Variants in CUL9 observed in about 807,000 individuals in gnomAD.
CUL9 encodes cullin-9.
Under a neutral mutation model 272.6 loss-of-function variants are expected in CUL9, and 79 were observed. The observed-to-expected ratio is 0.29, with a 90% CI of 0.24 to 0.35. CUL9 has a LOEUF of 0.35. Ranked by LOEUF, CUL9 falls within the 10% of genes least tolerant of loss-of-function variation. The pLI, the probability that CUL9 is intolerant of heterozygous loss-of-function variation, is 1.00. For synonymous variants in CUL9, 1,186 were observed against 1,286.5 expected, an observed-to-expected ratio of 0.92 and a Z score of 1.67; for missense variants, 2,532 against 3,255.6, an observed-to-expected ratio of 0.78 and a Z score of 5.41.
chr6:43,197,729 G>A (rs572389612), intron 11 of CUL9, among the ~76,000 whole-genome samples: 7 of 152,194 alleles, frequency 4.6e-5, no homozygotes, highest in East Asian at 1.9e-4. Flanking sequence ...TGATCTGACC[G>A]CCTTGGCCTC....
intron 26 of CUL9, among the ~76,000 whole-genome samples, chr6:43,208,346 C>A (rs1562047872): frequency 6.6e-6 from 1 of 152,170 alleles, no homozygotes; most frequent in Non-Finnish European, 1.5e-5. Flanking sequence ...GCTGGGATTA[C>A]AGGTGTGCAC....
At chr6:43,205,530 T>C (rs1393302983) in intron 24 of CUL9, 107 bp downstream of exon 24, 3 of 1,331,068 alleles carry the variant, frequency 2.3e-6, no homozygotes, top group East Asian at 2.3e-5. Context: ...AGAGGAGAGA[T>C]TAAGATGTGG....
In CUL9 at chr6:43,221,128, CTG is replaced by C; in HGVS notation, c.6589-26_6589-25del. On this transcript the variant is annotated intron_variant, in intron 33 of 40. Transcript: ENST00000252050. This position sits in a 1 kb window ranked among gnomAD's most constrained non-coding sequence, Gnocchi z 4.2. ...CAGCCATGCTGCCCTCACGGCTCAG[CTG>C]TGTCCCCACCATGCCCTCTTGCCTT... 1 of 1,606,674 alleles carries C rather than the reference CTG, an allele frequency of 6.2e-7. No individual in the cohort carries two copies.
intron 8 of CUL9, among the ~76,000 whole-genome samples, chr6:43,191,862 G>A (rs1773546648): frequency 6.6e-6 from 1 of 151,346 alleles, no homozygotes; most frequent in African/African-American, 2.4e-5. Context: ...TGGGATTACA[G>A]GTGTGTGTCA....
In CUL9 at chr6:43,204,982, G is replaced by T; in HGVS notation, c.4499G>T (p.Arg1500Leu). The change falls in exon 23 of 41, where the codon CGT becomes CTT. Residue 1500 changes from arginine (R) to leucine (L), a missense_variant. By Grantham distance (102) the Arg-to-Leu change is moderately radical. This residue lies in a region of CUL9 where 2,218 missense variants were observed against 2,788.6 expected (regional missense o/e 0.80). Transcript: ENST00000252050. ...TGGAGGGCCCCAGACTTTGTGCCTCGTTACTGTAAACTCTATGAGCACTTG... is the reference window on the plus strand; with the variant it reads ...TGGAGGGCCCCAGACTTTGTGCCTCTTTACTGTAAACTCTATGAGCACTTG... ...AAWRAPDFVP[R>L]YCKLYEHLQR... 6.2e-7 allele frequency: 1 copy of T among 1,612,430 alleles called. No homozygotes were observed. The highest frequency in any genetic ancestry group is 8.5e-7 in the Non-Finnish European group (1 of 1,178,940).
At chr6:43,189,917 A>G (rs1011077384) in intron 8 of CUL9, among the ~76,000 whole-genome samples, 3 of 152,210 alleles carry the variant, frequency 2.0e-5, no homozygotes, top group African/African-American at 4.8e-5. Flanking sequence ...TCAGTCTACT[A>G]TATCCTACAG....
chr6:43,207,901 G>A (rs1319916324), intron 26 of CUL9, among the ~76,000 whole-genome samples: 1 of 152,182 alleles, frequency 6.6e-6, no homozygotes, highest in African/African-American at 2.4e-5. Context: ...CACATCTTCT[G>A]TAAAGTTACT....
rs576493619 is a variant in CUL9, at chr6:43,214,738, T to C, written c.5689-341T>C. ...ATCACTTGAACCCAGGAGGCAGAGA[T>C]TGCAGTGAGAGATGGTGCCACTGCA... On this transcript the variant is annotated intron_variant, in intron 29 of 40. Coordinates refer to ENST00000252050, the MANE Select transcript of CUL9 (RefSeq NM_015089.4). 2.6e-5 allele frequency among the ~76,000 whole-genome samples: 4 copies of C among 151,814 alleles called. No individual in the cohort carries two copies. In the East Asian group the frequency reaches 7.8e-4, roughly 30 times the overall value.
Position 43,186,334 on chromosome 6 carries a change from A to G in CUL9, c.1130A>G (p.Glu377Gly), listed in dbSNP as rs1174320617. 1 of 1,614,192 alleles carries G rather than the reference A, an allele frequency of 6.2e-7. No individual in the cohort carries two copies. The highest frequency in any genetic ancestry group is 1.1e-5 in the South Asian group (1 of 91,088). ...TTCTCCAGCCGTAGTGGCTATGGAG[A>G]ATATGTGCAGCAGACACTGCAGCCA... ...SEFSSRSGYG[E>G]YVQQTLQPGM... is the part of the protein sequence containing the mutation. Residue 377 changes from glutamate (E) to glycine (G), a missense_variant, in exon 4 of 41, where the codon GAA becomes GGA. Around this residue, in one of 3 missense-constraint regions of CUL9, gnomAD observed 2,218 missense variants for 2,788.6 expected, o/e 0.80. Transcript: ENST00000252050.
intron 26 of CUL9, among the ~76,000 whole-genome samples, chr6:43,211,235 T>C (rs947182701): frequency 1.3e-5 from 2 of 152,174 alleles, no homozygotes; most frequent in African/African-American, 4.8e-5. Context: ...TGCCTCTTGG[T>C]CCTTCTTCTT....
chr6:43,220,704 TG>T lies in CUL9; in HGVS notation c.6424-41del. 6.2e-7 allele frequency: 1 copy of T among 1,605,338 alleles called. No individual in the cohort carries two copies. The highest frequency in any genetic ancestry group is 8.5e-7 in the Non-Finnish European group (1 of 1,175,130). On this transcript the variant is annotated intron_variant, in intron 32 of 40. Coordinates refer to ENST00000252050, the MANE Select transcript of CUL9 (RefSeq NM_015089.4). The surrounding 1 kb of genome is among the most constrained non-coding windows in gnomAD (Gnocchi z 4.9). ...CTGGGGGCCTGGAGGTGTGGCATCC[TG>T]GAGAGCCATACCCTCACCTCGTGGC...
In CUL9 at chr6:43,199,360, A is replaced by T; in HGVS notation, c.3145A>T (p.Ser1049Cys). ...CCTCAACTGCCTGAGTGGCCCTAGCAGTGACTCCGAGGTACCAGAACCCTG... is the reference window on the plus strand; with the variant it reads ...CCTCAACTGCCTGAGTGGCCCTAGCTGTGACTCCGAGGTACCAGAACCCTG... ...PCLNCLSGPS[S>C]DSEIVQELTC... The change falls in exon 13 of 41, where the codon AGT becomes TGT. Residue 1049 changes from serine to cysteine, a missense_variant. Coordinates refer to ENST00000252050, the MANE Select transcript of CUL9 (RefSeq NM_015089.4). The surrounding 1 kb of genome is among the most constrained non-coding windows in gnomAD (Gnocchi z 4.4). 1.9e-6 allele frequency: 3 copies of T among 1,612,580 alleles called. No homozygotes were observed. Among genetic ancestry groups the T allele is most frequent in the Non-Finnish European group, 2.5e-6 (3 of 1,178,894 alleles).
At chr6:43,215,496 C>T (rs1249598700) in intron 30 of CUL9, among the ~76,000 whole-genome samples, 170 bp downstream of exon 30, 1 of 152,188 alleles carries the variant, frequency 6.6e-6, no homozygotes, top group African/African-American at 2.4e-5. Flanking sequence ...GCACCACCAC[C>T]CCTTTCCAAT....
At chr6:43,183,942 G>A (rs12190942) in intron 1 of CUL9, among the ~76,000 whole-genome samples, 1 of 151,950 alleles carries the variant, frequency 6.6e-6, no homozygotes, top group Non-Finnish European at 1.5e-5. Context: ...TAGTAGAGAC[G>A]GGGTTTCACT....
chr6:43,200,416 C>T lies in CUL9; in HGVS notation c.3385-20C>T. 1 of 1,614,116 alleles carries T rather than the reference C, an allele frequency of 6.2e-7. No individual in the cohort carries two copies. The highest frequency in any genetic ancestry group is 8.5e-7 in the Non-Finnish European group (1 of 1,180,034). On this transcript the variant is annotated intron_variant, in intron 14 of 40. Coordinates refer to ENST00000252050, the MANE Select transcript of CUL9 (RefSeq NM_015089.4). This position sits in a 1 kb window ranked among gnomAD's most constrained non-coding sequence, Gnocchi z 4.0. ...TCCTCCCTCTCCTCTTCCTCATTCT[C>T]CCTGATGTTCCGGCTGCAGATGGTG...
At position 43,220,322 on chromosome 6, in the gene CUL9, A is replaced by T; in HGVS notation, c.6283-137A>T. On this transcript the variant is annotated intron_variant, in intron 31 of 40. Coordinates refer to ENST00000252050, the MANE Select transcript of CUL9 (RefSeq NM_015089.4). The surrounding 1 kb of genome is among the most constrained non-coding windows in gnomAD (Gnocchi z 4.9). The stretch of plus-strand genomic sequence containing the variant: ...GAGAGGAGTCAGCATTGGTTGATCT[A>T]GAGGCAGGCTTGTTTCTGGCCTTCC... 1.0e-6 allele frequency: 1 copy of T among 977,132 alleles called. No homozygotes were observed. Among genetic ancestry groups the T allele is most frequent in the Non-Finnish European group, 1.5e-6 (1 of 645,634 alleles). The allele number at this position is 977,132 out of a possible 1,614,324, so 60.5% of individuals were successfully genotyped here. A position where few individuals can be genotyped will look rare whatever the true frequency, so the allele number is the denominator to read the frequency against.
At position 43,184,891 on chromosome 6, in the gene CUL9, C is replaced by T; in HGVS notation, c.581C>T (p.Ala194Val). The T allele has an allele frequency of 6.3e-7, 1 of 1,593,392 alleles. No individual in the cohort carries two copies. The highest frequency in any genetic ancestry group is 8.5e-7 in the Non-Finnish European group (1 of 1,172,960). ...GCAGGCAAAATGCTGCAGGCTCTGG[C>T]AGCCCACGATGCTGGTAAGAGACAG... Reference protein sequence around the residue: ...RSAGKMLQALAAHDAGSRAHV... With the variant: ...RSAGKMLQALVAHDAGSRAHV... The change falls in exon 2 of 41, where the codon GCA becomes GTA. Residue 194 changes from alanine (A) to valine (V), a missense_variant. This residue lies in a region of CUL9 where 2,218 missense variants were observed against 2,788.6 expected (regional missense o/e 0.80). Coordinates refer to ENST00000252050, the MANE Select transcript of CUL9 (RefSeq NM_015089.4). The surrounding 1 kb of genome is among the most constrained non-coding windows in gnomAD (Gnocchi z 4.8).
chr6:43,200,631 T>A lies in CUL9; in HGVS notation c.3476-32T>A, dbSNP rs1351260681. Reference sequence around the variant, plus strand: ...CCTTTTTCCTCTCAACTAACCTAGCTGTGACTGCCACCCCTTCCCACTTGC... The same window carrying A: ...CCTTTTTCCTCTCAACTAACCTAGCAGTGACTGCCACCCCTTCCCACTTGC... On this transcript the variant is annotated intron_variant, in intron 15 of 40. Coordinates refer to ENST00000252050, the MANE Select transcript of CUL9 (RefSeq NM_015089.4). This position sits in a 1 kb window ranked among gnomAD's most constrained non-coding sequence, Gnocchi z 4.0. The A allele has an allele frequency of 6.2e-7, 1 of 1,614,086 alleles. No homozygotes were observed. The highest frequency in any genetic ancestry group is 1.1e-5 in the South Asian group (1 of 91,082).
rs148498837 is a variant in CUL9, at chr6:43,215,212, G to A, written c.5822G>A (p.Arg1941Gln). The A allele has an allele frequency of 2.7e-5, 43 of 1,614,184 alleles. No individual in the cohort carries two copies. Among genetic ancestry groups the A allele is most frequent in the Non-Finnish European group, 3.5e-5 (41 of 1,180,026 alleles). Reference protein sequence around the residue: ...LHLLGQGYVKRRDDRPQILMY... With the variant: ...LHLLGQGYVKQRDDRPQILMY... ...CTCTTAGGCCAGGGCTACGTGAAAC[G>A]GCGTGATGACCGGCCCCAGATCCTG... The change falls in exon 30 of 41, where the codon CGG (arginine) becomes CAG (glutamine). Residue 1941 changes from arginine (R) to glutamine (Q), a missense_variant. Coordinates refer to ENST00000252050, the MANE Select transcript of CUL9 (RefSeq NM_015089.4).
Sources: gnomAD v4.1 joint callset for allele counts (sites outside exome capture counted in the v4.1 genomes callset) on GRCh38, gnomAD v4.1.1 for gene constraint, gnomAD v4.1.1 regional missense constraint, Gnocchi (gnomAD v3.1) non-coding constraint, MANE v1.5 for transcripts, NCBI Gene and HGNC (gene_info 2026-07-23, HGNC 2026-07-21) for gene names.